The following TTC38 variants were observed in gnomAD, a reference collection of about 807,000 sequenced individuals.
The protein encoded by TTC38 is tetratricopeptide repeat protein 38.
A neutral mutation model predicts 64.2 loss-of-function variants in TTC38; 64 were observed. The observed-to-expected ratio is 1.00, with a 90% CI of 0.81 to 1.23. The LOEUF (loss-of-function observed/expected upper bound fraction) is 1.23. TTC38 is among the 50% of genes most tolerant of loss of function. TTC38 has a pLI of 0.00. For synonymous variants in TTC38, 254 were observed against 249.3 expected, an observed-to-expected ratio of 1.02 and a Z score of -0.18; for missense variants, 573 against 615.5, an observed-to-expected ratio of 0.93 and a Z score of 0.73.
rs1424397531 is a variant in TTC38, at chr22:46,292,984, G to C, written c.*100G>C. ...TAGGGTCAGGAGACGGCCAGAGCCT[G>C]TTTGTTAGGGCTGTTAGAGGGTGAT... is the stretch of plus-strand genomic sequence containing the variant. On this transcript the variant is annotated 3_prime_UTR_variant, in exon 14 of 14. Transcript: ENST00000381031. This position sits in a 1 kb window ranked among gnomAD's most constrained non-coding sequence, Gnocchi z 6.5. 3 of 865,228 alleles carry C rather than the reference G, an allele frequency of 3.5e-6. No homozygotes were observed. Among genetic ancestry groups the C allele is most frequent in the African/African-American group, 1.6e-5 (1 of 60,646 alleles). The allele number at this position is 865,228 out of a possible 1,614,324, so 53.6% of individuals were successfully genotyped here.
Position 46,292,826 on chromosome 22 carries a change from A to G in TTC38, c.1352A>G (p.Asn451Ser), listed in dbSNP as rs768071153. Reference protein sequence around the residue: ...LLMERDALKPNSPLTERLIRK... With the variant: ...LLMERDALKPSSPLTERLIRK... The stretch of plus-strand genomic sequence containing the variant: ...ATGGAGCGTGATGCCTTGAAGCCCA[A>G]CTCGCCCCTGACCGAGCGGCTCATC... The change falls in exon 14 of 14, where the codon AAC (asparagine) becomes AGC (serine). Residue 451 changes from asparagine to serine, a missense_variant. By Grantham distance (46) the Asn-to-Ser change is conservative (BLOSUM62 1). Coordinates refer to ENST00000381031, the MANE Select transcript of TTC38 (RefSeq NM_017931.4). This position sits in a 1 kb window ranked among gnomAD's most constrained non-coding sequence, Gnocchi z 6.5. 5 of 1,613,604 alleles carry G rather than the reference A, an allele frequency of 3.1e-6. No homozygotes were observed. In the Admixed American group the frequency reaches 5.0e-5, roughly 16 times the overall value.
At position 46,293,022 on chromosome 22, in the gene TTC38, A is replaced by G. The variant is rs1386657092; in HGVS notation, c.*138A>G. 1 of 629,550 alleles carries G rather than the reference A, an allele frequency of 1.6e-6. No homozygotes were observed. Among genetic ancestry groups the G allele is most frequent in the Non-Finnish European group, 2.8e-6 (1 of 352,026 alleles). 39.0% of individuals were successfully genotyped at this position (629,550 alleles called of 1,614,324 possible). A position where few individuals can be genotyped will look rare whatever the true frequency, so the allele number is the denominator to read the frequency against. ...GTTAGAGGGTGATCTTCAGTTTTAC[A>G]GGAAGTGGGTCACGGGTTAATTTTA... On this transcript the variant is annotated 3_prime_UTR_variant, in exon 14 of 14. Coordinates refer to ENST00000381031, the MANE Select transcript of TTC38 (RefSeq NM_017931.4). This position sits in a 1 kb window ranked among gnomAD's most constrained non-coding sequence, Gnocchi z 6.6.
intron 2 of TTC38, among the ~76,000 whole-genome samples, chr22:46,269,619 C>T (rs1407645389): frequency 1.3e-5 from 2 of 152,220 alleles, no homozygotes; most frequent in African/African-American, 2.4e-5. Context: ...TAGAAGCCTA[C>T]GGGCTGAACA....
intron 7 of TTC38, among the ~76,000 whole-genome samples, chr22:46,283,264 C>G (rs1348197457): frequency 6.6e-6 from 1 of 152,114 alleles, no homozygotes; most frequent in African/African-American, 2.4e-5. Context: ...ATCCAAGTGC[C>G]CTGAGCTGTT....
In TTC38 at chr22:46,292,245, G is replaced by A; in HGVS notation, c.1317-546G>A. On this transcript the variant is annotated intron_variant, in intron 13 of 13. Coordinates refer to ENST00000381031, the MANE Select transcript of TTC38 (RefSeq NM_017931.4). The surrounding 1 kb of genome is among the most constrained non-coding windows in gnomAD (Gnocchi z 6.5). ...GTCATCCAGGTTGGAATGCAGTGGT[G>A]TGATCACAGTTCACTGTAAACTCAA... The A allele has an allele frequency of 2.2e-6, 1 of 446,620 alleles. No individual in the cohort carries two copies. The highest frequency in any genetic ancestry group is 4.5e-6 in the Non-Finnish European group (1 of 224,584). The allele number at this position is 446,620 out of a possible 1,614,324, so 27.7% of individuals were successfully genotyped here.
In TTC38 at chr22:46,281,211, G is replaced by A. The variant is rs755524520; in HGVS notation, c.616-388G>A. Among the ~76,000 whole-genome samples, 3 of 152,252 alleles carry A rather than the reference G, an allele frequency of 2.0e-5. No homozygotes were observed. The highest frequency in any genetic ancestry group is 7.2e-5 in the African/African-American group (3 of 41,470). ...CTTCTCTAAGAGAAAGGCAGCATCCGTGGCCTTCCAGGCAGGCGGCAGCTG... is the reference window on the plus strand; with the variant it reads ...CTTCTCTAAGAGAAAGGCAGCATCCATGGCCTTCCAGGCAGGCGGCAGCTG... On this transcript the variant is annotated intron_variant, in intron 6 of 13. Coordinates refer to ENST00000381031, the MANE Select transcript of TTC38 (RefSeq NM_017931.4). This position sits in a 1 kb window ranked among gnomAD's most constrained non-coding sequence, Gnocchi z 5.2.
chr22:46,284,170 T>A, intron 8 of TTC38, 138 bp downstream of exon 8: 1 of 707,626 alleles, frequency 1.4e-6, no homozygotes, highest in Non-Finnish European at 2.4e-6. Context: ...AAGAGCACTC[T>A]AGGCTTCAAC....
rs1413363980 is a variant in TTC38 at position 46,276,811 on chromosome 22, A to ATATATATATTAAAT, written c.539+1390_539+1391insTATATATATTAAAT. On this transcript the variant is annotated intron_variant, in intron 5 of 13. Coordinates refer to ENST00000381031, the MANE Select transcript of TTC38 (RefSeq NM_017931.4). This position sits in a 1 kb window ranked among gnomAD's most constrained non-coding sequence, Gnocchi z 4.7. ...ATATATATTAAAAATTATATATTAA[A>ATATATATATTAAAT]ATATATATATTAAATATATATATAT... Among the ~76,000 whole-genome samples the ATATATATATTAAAT allele has an allele frequency of 7.2e-6, 1 of 138,184 alleles. No individual in the cohort carries two copies. The highest frequency in any genetic ancestry group is 3.0e-5 in the African/African-American group (1 of 33,822). The allele number at this position is 138,184 out of a possible 152,430, so 90.7% of individuals were successfully genotyped here.
In TTC38 at chr22:46,268,080, G is replaced by A. The variant is rs1313747469; in HGVS notation, c.33+8G>A. The A allele has an allele frequency of 6.5e-7, 1 of 1,541,664 alleles. No homozygotes were observed. The highest frequency in any genetic ancestry group is 1.2e-5 in the South Asian group (1 of 84,024). On this transcript the variant is annotated splice_region_variant and intron_variant, in intron 1 of 13. Coordinates refer to ENST00000381031, the MANE Select transcript of TTC38 (RefSeq NM_017931.4). ...CCTCTGCGCGACTGCCAGGTACACG[G>A]AGGCTGCCCCCAACCAGGTCCCCCT... is the stretch of plus-strand genomic sequence containing the variant.
chr22:46,281,097 G>A lies in TTC38; in HGVS notation c.616-502G>A, dbSNP rs973406776. Among the ~76,000 whole-genome samples, 4 of 152,320 alleles carry A rather than the reference G, an allele frequency of 2.6e-5. No homozygotes were observed. Among genetic ancestry groups the A allele is most frequent in the East Asian group, 1.9e-4 (1 of 5,186 alleles). ...GCTGTTTCTGCACCCAGAAAGCCAC[G>A]TGTCCTCACATATATGGTAGTGGGA... On this transcript the variant is annotated intron_variant, in intron 6 of 13. Transcript: ENST00000381031. This position sits in a 1 kb window ranked among gnomAD's most constrained non-coding sequence, Gnocchi z 5.2.
rs780929776 is a variant in TTC38, at chr22:46,275,414, CT to C, written c.533del (p.Leu178GlnfsTer5). The C allele has an allele frequency of 2.6e-5, 42 of 1,612,762 alleles. No homozygotes were observed. Among genetic ancestry groups the C allele is most frequent in the Non-Finnish European group, 3.5e-5 (41 of 1,179,474 alleles). On this transcript the variant is annotated frameshift_variant, in exon 5 of 14. Transcript: ENST00000381031. LOFTEE classifies it high-confidence loss of function. The surrounding 1 kb of genome is among the most constrained non-coding windows in gnomAD (Gnocchi z 4.5). ...CCCCTTCTGGACACCTGACATCCCCCTAAGCAGGTATGTGCCAGCTGGAAAT... is the reference window on the plus strand; with the variant it reads ...CCCCTTCTGGACACCTGACATCCCCCAAGCAGGTATGTGCCAGCTGGAAAT... ...IYPFWTPDIP[L>X]SSYVKGIYSF...
rs2077627111 is a variant in TTC38, at chr22:46,292,951, C to A, written c.*67C>A. ...CGTCACTGCGTCCAGTCAGCTGCTCCACCGGGTTAGGGTCAGGAGACGGCC... is the reference window on the plus strand; with the variant it reads ...CGTCACTGCGTCCAGTCAGCTGCTCAACCGGGTTAGGGTCAGGAGACGGCC... On this transcript the variant is annotated 3_prime_UTR_variant, in exon 14 of 14. Coordinates refer to ENST00000381031, the MANE Select transcript of TTC38 (RefSeq NM_017931.4). The surrounding 1 kb of genome is among the most constrained non-coding windows in gnomAD (Gnocchi z 6.5). 2 of 1,317,260 alleles carry A rather than the reference C, an allele frequency of 1.5e-6. No homozygotes were observed. Among genetic ancestry groups the A allele is most frequent in the Admixed American group, 1.7e-5 (1 of 58,580 alleles). The allele number at this position is 1,317,260 out of a possible 1,614,324, so 81.6% of individuals were successfully genotyped here.
rs148160279 is a variant in TTC38 at position 46,274,049 on chromosome 22, A to C, written c.345A>C (p.Ala115=). The change falls in exon 4 of 14, where the codon GCA becomes GCC. Residue 115 remains alanine (A), a synonymous_variant. Transcript: ENST00000381031. This position sits in a 1 kb window ranked among gnomAD's most constrained non-coding sequence, Gnocchi z 4.8. ...LTRREQLHVS[A]VETFANGNFP... ...GGCGGGAGCAGCTGCACGTGTCTGC[A>C]GTAGAGACATTTGCCAATGGGTGAG... 3 of 1,586,168 alleles carry C rather than the reference A, an allele frequency of 1.9e-6. No homozygotes were observed. Among genetic ancestry groups the C allele is most frequent in the Admixed American group, 1.7e-5 (1 of 59,032 alleles).
In TTC38 at chr22:46,270,467, AT is replaced by A. The variant is rs1017277156; in HGVS notation, c.112-1866del. ...GGCATATTTTAAAATCTAATGTGTG[AT>A]TATAGGTCTAGGACTTTTTTTAAAA... On this transcript the variant is annotated intron_variant, in intron 2 of 13. Coordinates refer to ENST00000381031, the MANE Select transcript of TTC38 (RefSeq NM_017931.4). The surrounding 1 kb of genome is among the most constrained non-coding windows in gnomAD (Gnocchi z 4.7). Among the ~76,000 whole-genome samples, 1 of 152,182 alleles carries A rather than the reference AT, an allele frequency of 6.6e-6. No individual in the cohort carries two copies. Among genetic ancestry groups the A allele is most frequent in the Admixed American group, 6.5e-5 (1 of 15,268 alleles).
intron 8 of TTC38, 38 bp from the exon 9 acceptor site, chr22:46,285,202 CT>C (rs1569023853): frequency 6.2e-7 from 1 of 1,605,350 alleles, no homozygotes; most frequent in Non-Finnish European, 8.5e-7. Context: ...TACACTTTGC[CT>C]TCTCCAGGGT....
intron 13 of TTC38, among the ~76,000 whole-genome samples, chr22:46,290,586 G>GAGGGTGGCGTGGCTGGAAGGTGTGTT (rs2077607970): frequency 1.7e-5 from 2 of 120,120 alleles, no homozygotes; most frequent in Non-Finnish European, 3.1e-5. Flanking sequence ...TGAGTGTTAG[G>GAGGGTGGCGTGGCTGGAAGGTGTGTT]AGGGTGGCGT....
chr22:46,276,801 T>C lies in TTC38; in HGVS notation c.539+1380T>C, dbSNP rs1184425248. ...ATATATTAAAATATATATTAAAAAT[T>C]ATATATTAAAATATATATATTAAAT... is the stretch of plus-strand genomic sequence containing the variant. On this transcript the variant is annotated intron_variant, in intron 5 of 13. Coordinates refer to ENST00000381031, the MANE Select transcript of TTC38 (RefSeq NM_017931.4). The surrounding 1 kb of genome is among the most constrained non-coding windows in gnomAD (Gnocchi z 4.7). Among the ~76,000 whole-genome samples the C allele has an allele frequency of 7.5e-6, 1 of 133,256 alleles. No individual in the cohort carries two copies. Among genetic ancestry groups the C allele is most frequent in the Non-Finnish European group, 1.5e-5 (1 of 65,070 alleles). 87.4% of individuals were successfully genotyped at this position (133,256 alleles called of 152,430 possible). A position where few individuals can be genotyped will look rare whatever the true frequency, so the allele number is the denominator to read the frequency against.
At chr22:46,285,962 C>T (rs1342997187) in intron 9 of TTC38, among the ~76,000 whole-genome samples, 3 of 145,942 alleles carry the variant, frequency 2.1e-5, no homozygotes, top group African/African-American at 7.9e-5. Context: ...TTACAGTGAG[C>T]CAAGATCACG....
chr22:46,290,361 CAG>C (rs2077604489), intron 13 of TTC38, among the ~76,000 whole-genome samples: 1 of 152,192 alleles, frequency 6.6e-6, no homozygotes, highest in Non-Finnish European at 1.5e-5. Flanking sequence ...GGGGGAGCGA[CAG>C]GGAGCAATCA....
Sources: gnomAD v4.1 joint callset for allele counts (sites outside exome capture counted in the v4.1 genomes callset) on GRCh38, gnomAD v4.1.1 for gene constraint, Gnocchi (gnomAD v3.1) non-coding constraint, MANE v1.5 for transcripts, NCBI Gene and HGNC (gene_info 2026-07-23, HGNC 2026-07-21) for gene names.